LYSMD2: variants seen among roughly 807,000 people sequenced by gnomAD.
The protein encoded by LYSMD2 is lysM and putative peptidoglycan-binding domain-containing protein 2.
A neutral mutation model predicts 17.7 loss-of-function variants in LYSMD2; 6 were observed. That is an observed-to-expected ratio of 0.34 (90% confidence interval 0.19 to 0.67). The LOEUF (loss-of-function observed/expected upper bound fraction) is 0.67. LYSMD2 is among the 30% of genes least tolerant of loss of function. The probability of loss-of-function intolerance (pLI) is 0.69; values close to 1 mark genes in which losing one functional copy is unlikely to be tolerated. For synonymous variants in LYSMD2, 102 were observed against 129.8 expected (o/e 0.79, Z 1.45); for missense variants, 237 against 286.7 (o/e 0.83, Z 1.25).
upstream of LYSMD2, among the ~76,000 whole-genome samples, chr15:51,740,661 C>T (rs568745421): frequency 6.6e-5 from 10 of 152,068 alleles, no homozygotes; most frequent in Non-Finnish European, 1.5e-4. Context: ...AAGATACAAG[C>T]TCAATATACA....
intron 1 of LYSMD2, among the ~76,000 whole-genome samples, chr15:51,730,590 A>C (rs1291089715): frequency 6.6e-6 from 1 of 152,216 alleles, no homozygotes; most frequent in Non-Finnish European, 1.5e-5. Flanking sequence ...TCCCTCCAGA[A>C]GATACCTTAA....
At chr15:51,725,618 G>T (rs996999033) in intron 1 of LYSMD2, among the ~76,000 whole-genome samples, 32 of 151,908 alleles carry the variant, frequency 2.1e-4, no homozygotes, top group African/African-American at 7.3e-4. Context: ...TGTAAAACAG[G>T]TACCATCTAC....
At chr15:51,724,651 T>C (rs2055525440) in intron 2 of LYSMD2, 139 bp downstream of exon 2, 1 of 514,238 alleles carries the variant, frequency 1.9e-6, no homozygotes, top group Non-Finnish European at 3.1e-6. Context: ...AGAAAGAAAT[T>C]AAGAAAAAAA....
At position 51,737,505 on chromosome 15, in the gene LYSMD2, G is replaced by A. The variant is rs1021591066; in HGVS notation, c.118C>T (p.Leu40=). ...TTGGTGCGGGCCAGGCTCAGCGACA[G>A]CTCGGCCTCCTCGGACTCGGAGCCG... ...RSGSESEEAE[L]SLSLARTKTR... is the part of the protein sequence containing the mutation. The change falls in exon 1 of 3, where the codon CTG becomes TTG. Residue 40 remains leucine, a synonymous_variant. Coordinates refer to ENST00000267838, the MANE Select transcript of LYSMD2 (RefSeq NM_153374.3). This position sits in a 1 kb window ranked among gnomAD's most constrained non-coding sequence, Gnocchi z 4.2. 48 of 1,306,616 alleles carry A rather than the reference G, an allele frequency of 3.7e-5. No homozygotes were observed. Among genetic ancestry groups the A allele is most frequent in the Non-Finnish European group, 4.3e-5 (44 of 1,029,474 alleles). 80.9% of individuals were successfully genotyped at this position (1,306,616 alleles called of 1,614,324 possible). A position where few individuals can be genotyped will look rare whatever the true frequency, so the allele number is the denominator to read the frequency against.
chr15:51,744,540 A>C (rs2055657979), intron 1 of LYSMD2, among the ~76,000 whole-genome samples: 1 of 152,234 alleles, frequency 6.6e-6, no homozygotes, highest in South Asian at 2.1e-4. Context: ...TGTTGGATTC[A>C]ATTTTTTAAT....
chr15:51,737,685 G>T (rs867057023), upstream of LYSMD2: 201 of 1,022,286 alleles, frequency 2.0e-4, no homozygotes, highest in South Asian at 1.4e-3. The surrounding 1 kb of genome is among the most constrained non-coding windows in gnomAD (Gnocchi z 4.2). Flanking sequence ...CTCCTCCTCC[G>T]CCGCCGCCGC....
chr15:51,727,527 T>A (rs2055547840), intron 1 of LYSMD2, among the ~76,000 whole-genome samples: 2 of 152,230 alleles, frequency 1.3e-5, no homozygotes, highest in Admixed American at 1.3e-4. Context: ...TATTAAACTC[T>A]CTTCGGCCAC....
intron 1 of LYSMD2, among the ~76,000 whole-genome samples, chr15:51,726,193 C>T (rs772120950): frequency 2.0e-4 from 30 of 152,102 alleles, no homozygotes; most frequent in Non-Finnish European, 3.4e-4. Context: ...TTTGTGTTCT[C>T]GTTTCTAGTT....
intron 1 of LYSMD2, among the ~76,000 whole-genome samples, chr15:51,743,617 C>T (rs2055653442): frequency 6.6e-6 from 1 of 152,206 alleles, no homozygotes; most frequent in African/African-American, 2.4e-5. Context: ...ATTTACCTTT[C>T]CATACAAACT....
chr15:51,751,368 C>T, exon 1 of LYSMD2: 1 of 702,390 alleles, frequency 1.4e-6, no homozygotes, highest in Non-Finnish European at 2.6e-6. Context: ...CTCTCCGGAG[C>T]CCCGAGCGTC....
rs1402123542 is a variant in LYSMD2, at chr15:51,723,020, A to G, written c.*587T>C. ...TGTCAGCATTTAAATGTATAATTTA[A>G]AAGTCAATTTTATTTTCTCATTTGT... On this transcript the variant is annotated 3_prime_UTR_variant, in exon 3 of 3. Coordinates refer to ENST00000267838, the MANE Select transcript of LYSMD2 (RefSeq NM_153374.3). 1 of 152,102 alleles carries G rather than the reference A, an allele frequency of 6.6e-6. No individual in the cohort carries two copies. The highest frequency in any genetic ancestry group is 1.5e-5 in the Non-Finnish European group (1 of 68,004). 9.4% of individuals were successfully genotyped at this position (152,102 alleles called of 1,614,324 possible).
chr15:51,737,287 C>T lies in LYSMD2; in HGVS notation c.273+63G>A. On this transcript the variant is annotated intron_variant, in intron 1 of 2. Coordinates refer to ENST00000267838, the MANE Select transcript of LYSMD2 (RefSeq NM_153374.3). The surrounding 1 kb of genome is among the most constrained non-coding windows in gnomAD (Gnocchi z 4.2). ...TCCCACCCCCACCCCCACCGCACCC[C>T]GAGCCGCACCGCCTCCTGCGCGGTA... is the stretch of plus-strand genomic sequence containing the variant. 1.6e-6 allele frequency: 2 copies of T among 1,259,764 alleles called. No homozygotes were observed. Among genetic ancestry groups the T allele is most frequent in the Non-Finnish European group, 1.0e-6 (1 of 995,502 alleles). The allele number at this position is 1,259,764 out of a possible 1,614,324, so 78.0% of individuals were successfully genotyped here.
chr15:51,744,458 T>G (rs1423005489), intron 1 of LYSMD2, among the ~76,000 whole-genome samples: 5 of 152,172 alleles, frequency 3.3e-5, no homozygotes, highest in Admixed American at 3.3e-4. Context: ...TTAATTTTTT[T>G]GAATGTTGAA....
chr15:51,734,122 G>A (rs1340994572), intron 1 of LYSMD2, among the ~76,000 whole-genome samples: 2 of 152,184 alleles, frequency 1.3e-5, no homozygotes, highest in African/African-American at 2.4e-5. Flanking sequence ...GGCGGAGGTT[G>A]CAGTGAGCCA....
intron 1 of LYSMD2, among the ~76,000 whole-genome samples, chr15:51,733,921 A>T (rs1210713190): frequency 6.6e-6 from 1 of 152,214 alleles, no homozygotes; most frequent in Non-Finnish European, 1.5e-5. Context: ...GCGGTGGCTC[A>T]CGCTTGTAAT....
upstream of LYSMD2, chr15:51,737,660 A>AGGGGGCGGCGCCTCCTCCTCCTCC: frequency 8.3e-7 from 1 of 1,199,734 alleles, no homozygotes; most frequent in East Asian, 3.5e-5. This position sits in a 1 kb window ranked among gnomAD's most constrained non-coding sequence, Gnocchi z 4.2. Context: ...GAGCTTGCCA[A>AGGGGGCGGCGCCTCCTCCTCCTCC]GGGGGCGGCG....
intron 1 of LYSMD2, among the ~76,000 whole-genome samples, chr15:51,745,040 A>T (rs2055660559): frequency 6.6e-6 from 1 of 152,180 alleles, no homozygotes; most frequent in African/African-American, 2.4e-5. Context: ...TCCTAGAAAG[A>T]CATGAACTAA....
At chr15:51,738,717 G>A (rs2055628355), upstream of LYSMD2, among the ~76,000 whole-genome samples, 1 of 152,136 alleles carries the variant, frequency 6.6e-6, no homozygotes, top group African/African-American at 2.4e-5. Flanking sequence ...TGAAGTTTTG[G>A]TATGTTGCTG....
chr15:51,735,660 G>A (rs1475067686), intron 1 of LYSMD2, among the ~76,000 whole-genome samples: 4 of 152,154 alleles, frequency 2.6e-5, no homozygotes, highest in Admixed American at 6.5e-5. Context: ...TTAAAAAGGG[G>A]TAATGAGGTT....
Sources: allele counts gnomAD v4.1 joint callset (sites outside exome capture counted in the v4.1 genomes callset), GRCh38; gene constraint gnomAD v4.1.1; non-coding constraint Gnocchi (gnomAD v3.1); transcripts MANE v1.5; gene names NCBI Gene and HGNC (gene_info 2026-07-23, HGNC 2026-07-21).